The following TMCO5A variants were observed in gnomAD, a reference collection of about 807,000 sequenced individuals.
The protein encoded by TMCO5A is transmembrane and coiled-coil domain-containing protein 5A.
In TMCO5A, 34 loss-of-function variants were observed where a neutral mutation model predicts 42.3. That is an observed-to-expected ratio of 0.80 (90% CI 0.61 to 1.07). The LOEUF is 1.07. TMCO5A is among the 50% of genes least tolerant of loss of function. TMCO5A has a pLI of 0.00. For synonymous variants in TMCO5A, 131 were observed against 115.6 expected (o/e 1.13, Z -0.86); for missense variants, 357 against 327.9 (o/e 1.09, Z -0.69).
chr15:37,998,325 AG>A, the TMCO5A span, among the ~76,000 whole-genome samples: 1 of 152,160 alleles, frequency 6.6e-6, no homozygotes, highest in Non-Finnish European at 1.5e-5. Context: ...GTAGTTTCAT[AG>A]TTTGAGGTTT....
At chr15:37,987,956 T>C in the TMCO5A span, among the ~76,000 whole-genome samples, 1 of 152,022 alleles carries the variant, frequency 6.6e-6, no homozygotes, top group Non-Finnish European at 1.5e-5. Flanking sequence ...TTGGGTAACA[T>C]TGACATCTTA....
At chr15:38,002,498 CT>C in the TMCO5A span, among the ~76,000 whole-genome samples, 2 of 151,818 alleles carry the variant, frequency 1.3e-5, no homozygotes, top group Non-Finnish European at 2.9e-5. Context: ...CCTTTTGAGA[CT>C]ATTTTCTAGA....
chr15:38,015,037 A>G, the TMCO5A span, among the ~76,000 whole-genome samples: 1 of 151,644 alleles, frequency 6.6e-6, no homozygotes, highest in African/African-American at 2.4e-5. Context: ...AGCATCCAGT[A>G]TGAGAAAGAT....
intron 7 of TMCO5A, 149 bp from the exon 8 acceptor site, chr15:37,941,522 A>G: frequency 1.5e-6 from 1 of 688,214 alleles, no homozygotes; most frequent in Non-Finnish European, 2.4e-6. Flanking sequence ...AAAAAAGGAA[A>G]TACATTTATC....
At chr15:38,020,722 T>C in the TMCO5A span, among the ~76,000 whole-genome samples, 1 of 152,134 alleles carries the variant, frequency 6.6e-6, no homozygotes, top group Non-Finnish European at 1.5e-5. Flanking sequence ...ATCTTAAATA[T>C]ATATAATTTT....
the TMCO5A span, among the ~76,000 whole-genome samples, chr15:38,031,981 A>C: frequency 1.0e-4 from 15 of 148,540 alleles, no homozygotes; most frequent in African/African-American, 3.7e-4. Flanking sequence ...TTTAGATGGA[A>C]TTTTGCTTTC....
the TMCO5A span, among the ~76,000 whole-genome samples, chr15:38,003,254 T>C: frequency 0.079 from 11,927 of 150,468 alleles, 1,661 homozygotes; most frequent in African/African-American, 0.28. Flanking sequence ...CTCTGTCTCC[T>C]CCCATCACTC....
chr15:38,038,990 C>T, the TMCO5A span, among the ~76,000 whole-genome samples: 1,357 of 152,244 alleles, frequency 8.9e-3, 17 homozygotes, highest in African/African-American at 0.031. Context: ...TAAGATCCAC[C>T]TTACTCTCCT....
At chr15:37,990,422 G>GCCACT in the TMCO5A span, among the ~76,000 whole-genome samples, 766 of 152,114 alleles carry the variant, frequency 5.0e-3, 4 homozygotes, top group African/African-American at 0.017. Flanking sequence ...TATTAGTATA[G>GCCACT]CCACTCCCAC....
chr15:38,025,311 C>A, the TMCO5A span, among the ~76,000 whole-genome samples: 1 of 151,542 alleles, frequency 6.6e-6, no homozygotes, highest in Admixed American at 6.6e-5. Flanking sequence ...GACAGAGTAA[C>A]CTTTTTGGGG....
chr15:37,949,458 G>A (rs1319461850), intron 11 of TMCO5A, among the ~76,000 whole-genome samples: 5 of 152,002 alleles, frequency 3.3e-5, no homozygotes, highest in Non-Finnish European at 7.4e-5. Flanking sequence ...TTACTATGAC[G>A]CTATAGTAAT....
chr15:37,953,575 G>A (rs1159429397), downstream of TMCO5A, among the ~76,000 whole-genome samples: 2 of 151,946 alleles, frequency 1.3e-5, no homozygotes, highest in Admixed American at 1.3e-4. Flanking sequence ...TTGAATATCT[G>A]GAAGGCCTTC....
At chr15:37,989,772 T>C in the TMCO5A span, among the ~76,000 whole-genome samples, 2 of 152,198 alleles carry the variant, frequency 1.3e-5, no homozygotes, top group South Asian at 4.1e-4. Context: ...ATGAATGTCT[T>C]TTTGCTACAT....
the TMCO5A span, among the ~76,000 whole-genome samples, chr15:38,006,985 G>C: frequency 3.3e-5 from 5 of 151,946 alleles, no homozygotes; most frequent in Admixed American, 1.3e-4. Flanking sequence ...AAAAATGGGT[G>C]TGGCCATGTC....
At chr15:38,015,689 T>C in the TMCO5A span, among the ~76,000 whole-genome samples, 131 of 152,276 alleles carry the variant, frequency 8.6e-4, no homozygotes, top group Middle Eastern at 0.02. Context: ...AAATAAACTA[T>C]GGTACATCCA....
the TMCO5A span, among the ~76,000 whole-genome samples, chr15:38,034,994 T>C: frequency 3.3e-5 from 5 of 152,152 alleles, no homozygotes; most frequent in African/African-American, 1.2e-4. Context: ...TTGATTCTCC[T>C]AAGGGCAAGC....
chr15:37,956,531 A>C (rs1025265163), intron 11 of TMCO5A: 1 of 152,892 alleles, frequency 6.5e-6, no homozygotes, highest in Non-Finnish European at 1.5e-5. Flanking sequence ...CCCTCCCAAG[A>C]CTAAACCAGG....
At chr15:37,969,015 TGAA>T (rs1213991609), downstream of TMCO5A, among the ~76,000 whole-genome samples, 1 of 152,214 alleles carries the variant, frequency 6.6e-6, no homozygotes, top group Non-Finnish European at 1.5e-5. Context: ...AATACATGGA[TGAA>T]GAAGACATAA....
intron 10 of TMCO5A, among the ~76,000 whole-genome samples, chr15:37,945,644 G>T (rs1328382107): frequency 1.3e-5 from 2 of 151,924 alleles, no homozygotes; most frequent in Admixed American, 6.6e-5. Flanking sequence ...AACTTTTTTT[G>T]TGTGTTTGTT....
Sources: gnomAD v4.1 joint callset for allele counts (sites outside exome capture counted in the v4.1 genomes callset) on GRCh38, gnomAD v4.1.1 for gene constraint, MANE v1.5 for transcripts, NCBI Gene and HGNC (gene_info 2026-07-23, HGNC 2026-07-21) for gene names.